PTPRT: variants seen among roughly 807,000 people sequenced by gnomAD.
PTPRT encodes protein tyrosine phosphatase receptor type T.
PTPRT carries 56 observed loss-of-function variants against 176.8 expected under a neutral mutation model. The observed-to-expected ratio is 0.32, with a 90% CI of 0.26 to 0.40. PTPRT has a LOEUF of 0.40. Among genes scored for constraint, PTPRT ranks in the 10% least tolerant of loss-of-function variants. The probability of loss-of-function intolerance (pLI) is 1.00; values close to 1 mark genes in which losing one functional copy is unlikely to be tolerated. For synonymous variants in PTPRT, 783 were observed against 739.0 expected, an observed-to-expected ratio of 1.06 and a Z score of -0.96; for missense variants, 1,540 against 1,908.2, an observed-to-expected ratio of 0.81 and a Z score of 3.60.
chr20:43,139,444 A>G (rs1306034325), intron 1 of PTPRT, among the ~76,000 whole-genome samples: 1 of 152,244 alleles, frequency 6.6e-6, no homozygotes, highest in African/African-American at 2.4e-5. Context: ...ACCACGTTCC[A>G]GGACACCAGA....
intron 9 of PTPRT, among the ~76,000 whole-genome samples, chr20:42,362,808 T>A (rs1321501902): frequency 6.6e-6 from 1 of 152,032 alleles, no homozygotes; most frequent in African/African-American, 2.4e-5. Context: ...TAAAATTATT[T>A]TAAAATTAAA....
intron 21 of PTPRT, chr20:42,116,001 T>C (rs903154986): frequency 1.1e-5 from 8 of 716,256 alleles, no homozygotes; most frequent in Non-Finnish European, 1.8e-5. Flanking sequence ...GAAAAAGAGA[T>C]CATGGTTTTC....
rs1038936721 is a variant in PTPRT at position 42,665,571 on chromosome 20, G to C, written c.1153+12295C>G. 1.1e-4 allele frequency among the ~76,000 whole-genome samples: 16 copies of C among 152,242 alleles called. No individual in the cohort carries two copies. In the South Asian group the frequency reaches 1.2e-3, roughly 12 times the overall value. ...GGATCTAGAACTGGAAATACCATTT[G>C]ACCCAGCCATCCAATTACTGGGTAT... On this transcript the variant is annotated intron_variant, in intron 7 of 30. Transcript: ENST00000373187.
Position 43,189,793 on chromosome 20 carries a change from G to T in PTPRT, c.-60C>A. 2 of 941,064 alleles carry T rather than the reference G, an allele frequency of 2.1e-6. No individual in the cohort carries two copies. The highest frequency in any genetic ancestry group is 2.6e-6 in the Non-Finnish European group (2 of 775,058). 58.3% of individuals were successfully genotyped at this position (941,064 alleles called of 1,614,324 possible). On this transcript the variant is annotated 5_prime_UTR_variant, in exon 1 of 31. Coordinates refer to ENST00000373187, the MANE Select transcript of PTPRT (RefSeq NM_007050.6). This position sits in a 1 kb window ranked among gnomAD's most constrained non-coding sequence, Gnocchi z 5.0. ...GGGGGCCGGGGCCGGGACTGGGGCG[G>T]GCGCGGGGTGGCCCCGCATCGCCGG...
At chr20:42,958,989 A>G (rs940518172) in intron 1 of PTPRT, among the ~76,000 whole-genome samples, 2 of 152,228 alleles carry the variant, frequency 1.3e-5, no homozygotes, top group East Asian at 3.8e-4. Context: ...GTCTTAAATT[A>G]AATGTTTCAG....
chr20:42,279,799 T>C (rs909723441), intron 13 of PTPRT, among the ~76,000 whole-genome samples: 2 of 152,192 alleles, frequency 1.3e-5, no homozygotes, highest in East Asian at 3.9e-4. Context: ...CTGGCAACCA[T>C]CTGGTTCTGT....
At chr20:43,040,778 T>C (rs1344676678) in intron 1 of PTPRT, among the ~76,000 whole-genome samples, 3 of 152,208 alleles carry the variant, frequency 2.0e-5, no homozygotes, top group African/African-American at 7.2e-5. Context: ...TGGGTAGCCA[T>C]GGCTGATTTT....
intron 1 of PTPRT, among the ~76,000 whole-genome samples, chr20:42,951,400 G>A (rs1248477520): frequency 6.6e-6 from 1 of 150,862 alleles, no homozygotes; most frequent in African/African-American, 2.4e-5. Context: ...TAGATGGGGG[G>A]GTGGGTAAGC....
At chr20:42,217,227 G>A (rs2146769458) in intron 15 of PTPRT, among the ~76,000 whole-genome samples, 1 of 152,098 alleles carries the variant, frequency 6.6e-6, no homozygotes, top group Non-Finnish European at 1.5e-5. Flanking sequence ...ACAAAAATTA[G>A]CCCGGTGTGG....
At chr20:43,013,542 G>A (rs1484657321) in intron 1 of PTPRT, among the ~76,000 whole-genome samples, 3 of 152,120 alleles carry the variant, frequency 2.0e-5, no homozygotes, top group Non-Finnish European at 4.4e-5. Flanking sequence ...AAAGTGGGGG[G>A]TACATATCTG....
chr20:42,997,839 T>A (rs1348893069), intron 1 of PTPRT, among the ~76,000 whole-genome samples: 2 of 152,250 alleles, frequency 1.3e-5, no homozygotes, highest in Non-Finnish European at 1.5e-5. Context: ...ATCCGAGGCC[T>A]CCAGTCTCAC....
At chr20:42,827,598 G>A (rs935610409) in intron 2 of PTPRT, among the ~76,000 whole-genome samples, 1 of 152,144 alleles carries the variant, frequency 6.6e-6, no homozygotes, top group Non-Finnish European at 1.5e-5. Context: ...CCCTTATGTG[G>A]TTTGGCTGTG....
chr20:42,371,289 G>A (rs2058583798), intron 9 of PTPRT, among the ~76,000 whole-genome samples: 1 of 152,186 alleles, frequency 6.6e-6, no homozygotes, highest in East Asian at 1.9e-4. Context: ...TTTTCTTTGT[G>A]ACTCAGAGTC....
rs575457838 is a variant in PTPRT at position 42,495,596 on chromosome 20, C to T, written c.1154-23034G>A. On this transcript the variant is annotated intron_variant, in intron 7 of 30. Transcript: ENST00000373187. ...GTTTTTCTGATAAATATGTGCAAAGCCTCTTTCAGTTTTCCCGTTAGAGTC... is the reference window on the plus strand; with the variant it reads ...GTTTTTCTGATAAATATGTGCAAAGTCTCTTTCAGTTTTCCCGTTAGAGTC... Among the ~76,000 whole-genome samples, 4 of 152,256 alleles carry T rather than the reference C, an allele frequency of 2.6e-5. No homozygotes were observed. In the South Asian group the frequency reaches 8.3e-4, roughly 32 times the overall value.
At chr20:42,258,397 T>G (rs977877897) in intron 13 of PTPRT, among the ~76,000 whole-genome samples, 1 of 152,206 alleles carries the variant, frequency 6.6e-6, no homozygotes, top group Non-Finnish European at 1.5e-5. Flanking sequence ...CCTTTTCACT[T>G]TTCTTGTATA....
At chr20:43,165,460 C>A (rs886546911) in intron 1 of PTPRT, among the ~76,000 whole-genome samples, 1 of 152,046 alleles carries the variant, frequency 6.6e-6, no homozygotes, top group African/African-American at 2.4e-5. Flanking sequence ...ACCACACCCA[C>A]CCCTGCTAAA....
intron 1 of PTPRT, among the ~76,000 whole-genome samples, chr20:43,146,878 G>T (rs6030670): frequency 6.6e-6 from 1 of 151,994 alleles, no homozygotes; most frequent in South Asian, 2.1e-4. Flanking sequence ...CTGTCAATAC[G>T]ATGGAACTAT....
At chr20:42,648,822 T>TTTTTTTTTTGTTTTTG (rs771304497) in intron 7 of PTPRT, among the ~76,000 whole-genome samples, 1 of 42,334 alleles carries the variant, frequency 2.4e-5, no homozygotes, top group African/African-American at 8.0e-5. Context: ...GTGTCGTTGT[T>TTTTTTTTTTGTTTTTG]TTTTTTTTTT....
intron 1 of PTPRT, among the ~76,000 whole-genome samples, chr20:43,028,160 T>C (rs910979794): frequency 2.6e-5 from 4 of 152,156 alleles, no homozygotes; most frequent in African/African-American, 4.8e-5. Context: ...TTTAGCCTAA[T>C]GGAGAACAGA....
Sources: allele counts gnomAD v4.1 joint callset (sites outside exome capture counted in the v4.1 genomes callset), GRCh38; gene constraint gnomAD v4.1.1; non-coding constraint Gnocchi (gnomAD v3.1); transcripts MANE v1.5; gene names NCBI Gene and HGNC (gene_info 2026-07-23, HGNC 2026-07-21).